CCBE1: variants seen among roughly 807,000 people sequenced by gnomAD.
CCBE1 encodes collagen and calcium-binding EGF domain-containing protein 1.
CCBE1 carries 37 observed loss-of-function variants against 50.0 expected under a neutral mutation model. That is an observed-to-expected ratio of 0.74 (90% CI 0.57 to 0.97). CCBE1 has a LOEUF of 0.97. CCBE1 is among the 50% of genes least tolerant of loss of function. CCBE1 has a pLI of 0.00. For missense variants in CCBE1, 538 were observed against 523.8 expected (o/e 1.03, Z -0.26); for synonymous variants, 234 against 203.7 (o/e 1.15, Z -1.27).
At chr18:59,659,082 C>T (rs192699560) in intron 2 of CCBE1, among the ~76,000 whole-genome samples, 89 of 152,214 alleles carry the variant, frequency 5.8e-4, no homozygotes, top group Middle Eastern at 3.4e-3. Context: ...GTGCATGCCA[C>T]GCGTTCCTTT....
chr18:59,559,177 G>T (rs1450535399), intron 2 of CCBE1, among the ~76,000 whole-genome samples: 4 of 152,194 alleles, frequency 2.6e-5, no homozygotes, highest in African/African-American at 9.7e-5. Context: ...GGGGTCTCCT[G>T]CAAGTGTGGA....
intron 2 of CCBE1, among the ~76,000 whole-genome samples, chr18:59,684,614 C>T (rs888986725): frequency 1.3e-5 from 2 of 152,262 alleles, no homozygotes; most frequent in Non-Finnish European, 2.9e-5. Flanking sequence ...TACCTCTATA[C>T]ACAAAATGCA....
At chr18:59,605,453 C>T (rs981225967) in intron 2 of CCBE1, among the ~76,000 whole-genome samples, 2 of 152,180 alleles carry the variant, frequency 1.3e-5, no homozygotes. Flanking sequence ...AGGAGAAGGG[C>T]TTTATGGCAG....
At chr18:59,491,835 C>CAAACAAACAAACA (rs71177029) in intron 2 of CCBE1, among the ~76,000 whole-genome samples, 14 of 148,746 alleles carry the variant, frequency 9.4e-5, no homozygotes, top group South Asian at 6.4e-4. Flanking sequence ...AACAAACAAA[C>CAAACAAACAAACA]AAAAAAAAAC....
intron 2 of CCBE1, among the ~76,000 whole-genome samples, chr18:59,514,152 T>C (rs932453302): frequency 1.3e-5 from 2 of 152,162 alleles, no homozygotes; most frequent in African/African-American, 2.4e-5. Flanking sequence ...TTCTGCATCT[T>C]TTACATAGCA....
intron 7 of CCBE1, among the ~76,000 whole-genome samples, chr18:59,441,973 T>C (rs911717496): frequency 2.6e-5 from 4 of 152,206 alleles, no homozygotes; most frequent in Non-Finnish European, 4.4e-5. Context: ...GTATCCTTGT[T>C]CATTCTTGTC....
intron 2 of CCBE1, among the ~76,000 whole-genome samples, chr18:59,502,209 G>C (rs1024738317): frequency 1.3e-5 from 2 of 152,200 alleles, no homozygotes; most frequent in South Asian, 2.1e-4. Context: ...CCAAGGGTAA[G>C]GTCCAGCTGT....
upstream of CCBE1, chr18:59,697,608 G>A: frequency 2.1e-6 from 1 of 479,308 alleles, no homozygotes; most frequent in Admixed American, 3.6e-5. Flanking sequence ...AGGGCCCTGA[G>A]GTTCAAGTTG....
intron 2 of CCBE1, among the ~76,000 whole-genome samples, chr18:59,542,281 A>AT (rs747991341): frequency 6.6e-6 from 1 of 151,838 alleles, no homozygotes; most frequent in South Asian, 2.1e-4. Context: ...TAGAAATCTT[A>AT]ATAAATTCTT....
intron 2 of CCBE1, among the ~76,000 whole-genome samples, chr18:59,485,844 G>T (rs890678730): frequency 6.6e-6 from 1 of 151,114 alleles, no homozygotes; most frequent in Non-Finnish European, 1.5e-5. Context: ...CAGGTGATCC[G>T]CCCGCCTCGG....
At chr18:59,561,664 G>A (rs78500484) in intron 2 of CCBE1, among the ~76,000 whole-genome samples, 3,933 of 152,300 alleles carry the variant, frequency 0.026, 145 homozygotes, top group African/African-American at 0.079. Context: ...GGCATGGCGG[G>A]CATGCTAGCG....
intron 2 of CCBE1, among the ~76,000 whole-genome samples, chr18:59,558,831 C>T (rs1185105036): frequency 2.0e-5 from 3 of 152,148 alleles, no homozygotes; most frequent in Non-Finnish European, 2.9e-5. Flanking sequence ...CTCCAGCAGC[C>T]AAGACAGGGT....
intron 2 of CCBE1, among the ~76,000 whole-genome samples, chr18:59,680,026 A>T (rs1418332573): frequency 6.6e-6 from 1 of 151,810 alleles, no homozygotes; most frequent in Non-Finnish European, 1.5e-5. Flanking sequence ...GACGAGACCA[A>T]CTCGGACAAC....
chr18:59,606,660 C>T (rs2053503069), intron 2 of CCBE1, among the ~76,000 whole-genome samples: 1 of 152,094 alleles, frequency 6.6e-6, no homozygotes, highest in Non-Finnish European at 1.5e-5. Flanking sequence ...TCTCTGGAGG[C>T]TGTATCTTAA....
intron 2 of CCBE1, among the ~76,000 whole-genome samples, chr18:59,546,076 A>G (rs1296548067): frequency 6.6e-6 from 1 of 152,146 alleles, no homozygotes; most frequent in Non-Finnish European, 1.5e-5. Context: ...TGCATTGACA[A>G]CCCTTTAAAA....
At chr18:59,588,802 C>T (rs78826191) in intron 2 of CCBE1, among the ~76,000 whole-genome samples, 131 of 152,278 alleles carry the variant, frequency 8.6e-4, no homozygotes, top group African/African-American at 3.1e-3. Context: ...TTTTCAGCTT[C>T]CCCTAGCATC....
At chr18:59,516,061 C>A (rs1402572877) in intron 2 of CCBE1, among the ~76,000 whole-genome samples, 3 of 152,132 alleles carry the variant, frequency 2.0e-5, no homozygotes, top group Non-Finnish European at 2.9e-5. Context: ...TGGGTTCAAG[C>A]GATTCTTTTG....
Position 59,522,603 on chromosome 18 carries a change from A to G in CCBE1, c.213-42365T>C, listed in dbSNP as rs564943402. 8.3e-4 allele frequency among the ~76,000 whole-genome samples: 126 copies of G among 152,350 alleles called. 1 individual carries two copies. Among genetic ancestry groups the G allele is most frequent in the African/African-American group, 2.7e-3 (113 of 41,586 alleles). On this transcript the variant is annotated intron_variant, in intron 2 of 10. Transcript: ENST00000439986. ...AGTGCCTCCTACCACAATACAGTTC[A>G]AAAACAGTAACAAATACTGGAATAC...
At chr18:59,458,163 A>T (rs55687818) in intron 5 of CCBE1, among the ~76,000 whole-genome samples, 1,018 of 87,574 alleles carry the variant, frequency 0.012, 4 homozygotes, top group Non-Finnish European at 0.017. Context: ...CATCCATCCA[A>T]CCATCCATCC....
Sources: allele counts gnomAD v4.1 joint callset (sites outside exome capture counted in the v4.1 genomes callset), GRCh38; gene constraint gnomAD v4.1.1; transcripts MANE v1.5; gene names NCBI Gene and HGNC (gene_info 2026-07-23, HGNC 2026-07-21).